The following TNRC6A variants were observed in gnomAD, a reference collection of about 807,000 sequenced individuals.
TNRC6A encodes the protein trinucleotide repeat containing adaptor 6A, also known as trinucleotide repeat-containing gene 6A protein.
In TNRC6A, 44 loss-of-function variants were observed where a neutral mutation model predicts 221.2. The ratio of observed to expected loss-of-function variants is 0.20; its 90% CI spans 0.16 to 0.26. TNRC6A has a LOEUF of 0.26. Ranked by LOEUF, TNRC6A falls within the 10% of genes least tolerant of loss-of-function variation. The probability of loss-of-function intolerance (pLI) is 1.00; values close to 1 mark genes in which losing one functional copy is unlikely to be tolerated. For missense variants in TNRC6A, 2,199 were observed against 2,404.4 expected (o/e 0.91, Z 1.79); for synonymous variants, 847 against 838.5 (o/e 1.01, Z -0.18).
chr16:24,817,368 A>G (rs1409096688), intron 20 of TNRC6A, among the ~76,000 whole-genome samples: 3 of 152,230 alleles, frequency 2.0e-5, no homozygotes, highest in Non-Finnish European at 4.4e-5. Flanking sequence ...CTGAGTTACA[A>G]GATTATGGTA....
In TNRC6A at chr16:24,741,434, G is replaced by A. The variant is rs1054647402; in HGVS notation, c.54-9292G>A. Among the ~76,000 whole-genome samples, 9 of 152,088 alleles carry A rather than the reference G, an allele frequency of 5.9e-5. No homozygotes were observed. In the South Asian group the frequency reaches 6.2e-4, roughly 10 times the overall value. On this transcript the variant is annotated intron_variant, in intron 2 of 24. Transcript: ENST00000395799. The stretch of plus-strand genomic sequence containing the variant: ...TCATTCTATTAACATGGTGTATTTC[G>A]TTGATTTTCATGTTAAACCACCCTT...
intron 1 of TNRC6A, among the ~76,000 whole-genome samples, chr16:24,634,188 C>T (rs1901502210): frequency 6.6e-6 from 1 of 151,940 alleles, no homozygotes. Context: ...GCCTGTAATC[C>T]CAGCACTTTG....
intron 2 of TNRC6A, among the ~76,000 whole-genome samples, chr16:24,674,694 CCACACA>C (rs3219528): frequency 0.13 from 19,425 of 146,036 alleles, 2,508 homozygotes; most frequent in East Asian, 0.4. Context: ...ACTGCCCCCA[CCACACA>C]CACACACACA....
chr16:24,632,516 C>G (rs886282500), intron 1 of TNRC6A, among the ~76,000 whole-genome samples: 1 of 152,202 alleles, frequency 6.6e-6, no homozygotes. Context: ...TTTACACTTT[C>G]ACCATCCTCT....
chr16:24,637,629 G>A (rs954710584), intron 1 of TNRC6A, among the ~76,000 whole-genome samples: 1 of 152,188 alleles, frequency 6.6e-6, no homozygotes, highest in Admixed American at 6.5e-5. Context: ...CATGTGGGGA[G>A]GTGCAGAGCT....
chr16:24,787,514 G>A (rs992997989), intron 5 of TNRC6A, among the ~76,000 whole-genome samples: 5 of 152,202 alleles, frequency 3.3e-5, no homozygotes, highest in Admixed American at 1.3e-4. Context: ...TGCTGGTGCA[G>A]ATGTTAGTGT....
chr16:24,687,939 CTTTTCTTTTCTTTTCT>C (rs1333837745), intron 2 of TNRC6A, among the ~76,000 whole-genome samples: 30 of 125,584 alleles, frequency 2.4e-4, no homozygotes, highest in South Asian at 8.7e-4. Flanking sequence ...CTTTTCTTTT[CTTTTCTTTTCTTTTCT>C]TTTTTTTTTT....
At chr16:24,610,905 G>T (rs1410927522) in intron 1 of TNRC6A, among the ~76,000 whole-genome samples, 1 of 152,050 alleles carries the variant, frequency 6.6e-6, no homozygotes, top group Non-Finnish European at 1.5e-5. Context: ...CTGCCTTCCG[G>T]GTTCAAGCGA....
chr16:24,728,372 G>A (rs555958667), upstream of TNRC6A, among the ~76,000 whole-genome samples: 1 of 152,078 alleles, frequency 6.6e-6, no homozygotes, highest in Non-Finnish European at 1.5e-5. Flanking sequence ...GCTTGAACTC[G>A]GGAGGCGGAG....
intron 2 of TNRC6A, among the ~76,000 whole-genome samples, chr16:24,642,544 G>A (rs1353592423): frequency 1.3e-5 from 2 of 152,164 alleles, no homozygotes; most frequent in Admixed American, 6.6e-5. Context: ...CAGGCCGAGC[G>A]CAGTGGCTCA....
In TNRC6A at chr16:24,730,295, TAGC is replaced by T. The variant is rs763694577; in HGVS notation, c.51_53del (p.Ser17del). 6 of 1,603,026 alleles carry T rather than the reference TAGC, an allele frequency of 3.7e-6. No homozygotes were observed. Among genetic ancestry groups the T allele is most frequent in the Non-Finnish European group, 5.1e-6 (6 of 1,175,918 alleles). On this transcript the variant is annotated inframe_deletion and splice_region_variant, in exon 2 of 25. Coordinates refer to ENST00000395799, the MANE Select transcript of TNRC6A (RefSeq NM_014494.4). ...CTACCAAAGACGTAGAAAGAAATCT[TAGC>T]AGGTAAGATGGGCGAGCTTTCCGTC...
At chr16:24,751,255 TTA>T (rs2151415571) in intron 3 of TNRC6A, among the ~76,000 whole-genome samples, 1 of 152,318 alleles carries the variant, frequency 6.6e-6, no homozygotes, top group African/African-American at 2.4e-5. Context: ...TGAGATGATG[TTA>T]TTATATGTAA....
intron 4 of TNRC6A, among the ~76,000 whole-genome samples, chr16:24,771,124 T>G (rs992618820): frequency 6.6e-6 from 1 of 152,250 alleles, no homozygotes; most frequent in Non-Finnish European, 1.5e-5. Context: ...CTAATTTTGT[T>G]ATGGAAAATA....
chr16:24,704,680 A>AAAAAAG (rs2056060771), intron 2 of TNRC6A, among the ~76,000 whole-genome samples: 5 of 149,498 alleles, frequency 3.3e-5, no homozygotes, highest in Non-Finnish European at 4.5e-5. Flanking sequence ...AAAAAAAAAA[A>AAAAAAG]AAAAAAAAAA....
rs566339970 is a variant in TNRC6A, at chr16:24,732,869, T to G, written c.53+2569T>G. 3.9e-4 allele frequency among the ~76,000 whole-genome samples: 59 copies of G among 152,302 alleles called. 2 individuals are homozygous for G. The South Asian group carries it at 0.012, about 31-fold the overall frequency. ...TGGCTGAGAACCACTGCTCTAGATC[T>G]TCATTAGGAATTGTAACGTGAAAGC... On this transcript the variant is annotated intron_variant, in intron 2 of 24. Transcript: ENST00000395799.
intron 4 of TNRC6A, among the ~76,000 whole-genome samples, chr16:24,769,145 A>T (rs566945527): frequency 2.0e-5 from 3 of 151,866 alleles, no homozygotes; most frequent in East Asian, 1.9e-4. Flanking sequence ...GACAATTGCT[A>T]TTTTTTTTCA....
Position 24,782,674 on chromosome 16 carries a change from T to G in TNRC6A, c.589+5316T>G, listed in dbSNP as rs111982026. Among the ~76,000 whole-genome samples the G allele has an allele frequency of 9.9e-5, 15 of 152,048 alleles. 1 individual carries two copies. Among genetic ancestry groups the G allele is most frequent in the African/African-American group, 2.7e-4 (11 of 41,478 alleles). Reference sequence around the variant, plus strand: ...GGGCGGATCACAAGGTCAGGAGATCTAGAGCATCCTGGCTAACAGGGTGAA... The same window carrying G: ...GGGCGGATCACAAGGTCAGGAGATCGAGAGCATCCTGGCTAACAGGGTGAA... On this transcript the variant is annotated intron_variant, in intron 5 of 24. Transcript: ENST00000395799.
chr16:24,655,844 T>A (rs928177584), intron 2 of TNRC6A, among the ~76,000 whole-genome samples: 7 of 151,952 alleles, frequency 4.6e-5, no homozygotes, highest in Admixed American at 2.6e-4. Flanking sequence ...AATAGATACA[T>A]AGCAAGAAAT....
At chr16:24,785,069 T>A (rs75448110) in intron 5 of TNRC6A, among the ~76,000 whole-genome samples, 1,776 of 152,356 alleles carry the variant, frequency 0.012, 36 homozygotes, top group African/African-American at 0.038. Context: ...CTTTCTCCAC[T>A]GATTTAAAAT....
Sources: allele counts gnomAD v4.1 joint callset (sites outside exome capture counted in the v4.1 genomes callset), GRCh38; gene constraint gnomAD v4.1.1; transcripts MANE v1.5; gene names NCBI Gene and HGNC (gene_info 2026-07-23, HGNC 2026-07-21).